Variants in TMEM117 observed in about 807,000 individuals in gnomAD.
TMEM117 encodes the protein transmembrane protein 117.
Under a neutral mutation model 52.4 loss-of-function variants are expected in TMEM117, and 27 were observed. The observed-to-expected ratio is 0.51, with a 90% CI of 0.38 to 0.71. The LOEUF (loss-of-function observed/expected upper bound fraction) is 0.71. Among genes scored for constraint, TMEM117 ranks in the 30% least tolerant of loss-of-function variants. The pLI is 0.00. For synonymous variants in TMEM117, 215 were observed against 206.3 expected (o/e 1.04, Z -0.36); for missense variants, 556 against 630.5 (o/e 0.88, Z 1.26).
chr12:44,188,449 A>G (rs1227317758), intron 4 of TMEM117, among the ~76,000 whole-genome samples: 7 of 152,180 alleles, frequency 4.6e-5, no homozygotes, highest in Non-Finnish European at 8.8e-5. Flanking sequence ...AGAGTAAGTC[A>G]GCCCTAACTA....
intron 4 of TMEM117, among the ~76,000 whole-genome samples, chr12:44,147,451 G>C (rs976816937): frequency 1.3e-5 from 2 of 152,146 alleles, no homozygotes; most frequent in African/African-American, 4.8e-5. Flanking sequence ...ATGCCAGAGA[G>C]AAGAAGCACT....
chr12:43,895,105 A>G (rs974492380), intron 2 of TMEM117, among the ~76,000 whole-genome samples: 1 of 152,144 alleles, frequency 6.6e-6, no homozygotes, highest in African/African-American at 2.4e-5. Context: ...TATTAAGCCT[A>G]GTATCCATTA....
chr12:44,337,976 G>A (rs1951364192), intron 6 of TMEM117, among the ~76,000 whole-genome samples: 2 of 152,090 alleles, frequency 1.3e-5, no homozygotes, highest in African/African-American at 2.4e-5. Flanking sequence ...AATGTTTAAA[G>A]TAGAAGGAAA....
At chr12:43,852,556 T>A (rs1166423717) in intron 2 of TMEM117, among the ~76,000 whole-genome samples, 2 of 152,176 alleles carry the variant, frequency 1.3e-5, no homozygotes, top group Non-Finnish European at 2.9e-5. Context: ...GAGCTGAGAT[T>A]GTGCCATTGC....
chr12:44,119,827 G>T (rs1251122978), intron 3 of TMEM117, among the ~76,000 whole-genome samples: 1 of 152,132 alleles, frequency 6.6e-6, no homozygotes, highest in East Asian at 1.9e-4. Flanking sequence ...TCTTTAAAGT[G>T]CCCTAAGGTG....
rs1203051431 is a variant in TMEM117, at chr12:43,856,073, A to G, written c.277+11145A>G. Reference sequence around the variant, plus strand: ...AAGTTATCATGGTCGTTGAGAGTATATTAAAACTGTATTTATGACTACTCA... The same window carrying G: ...AAGTTATCATGGTCGTTGAGAGTATGTTAAAACTGTATTTATGACTACTCA... On this transcript the variant is annotated intron_variant, in intron 2 of 7. Coordinates refer to ENST00000266534, the MANE Select transcript of TMEM117 (RefSeq NM_032256.3). Among the ~76,000 whole-genome samples, 5 of 152,238 alleles carry G rather than the reference A, an allele frequency of 3.3e-5. No individual in the cohort carries two copies. The South Asian group carries it at 1.0e-3, about 31-fold the overall frequency.
intron 6 of TMEM117, among the ~76,000 whole-genome samples, chr12:44,346,130 A>G (rs1028398637): frequency 1.3e-5 from 2 of 152,122 alleles, no homozygotes. Context: ...AGTTAACTTA[A>G]ATCATTTCAG....
At chr12:44,282,251 T>C (rs529528568) in intron 5 of TMEM117, among the ~76,000 whole-genome samples, 16 of 152,244 alleles carry the variant, frequency 1.1e-4, no homozygotes, top group African/African-American at 3.4e-4. Context: ...ACTAATACAG[T>C]AAATTGGTAC....
intron 2 of TMEM117, among the ~76,000 whole-genome samples, chr12:43,922,457 A>G (rs1944710780): frequency 6.6e-6 from 1 of 152,200 alleles, no homozygotes; most frequent in Non-Finnish European, 1.5e-5. Flanking sequence ...GGAATAATGT[A>G]AATATTTATG....
intron 6 of TMEM117, among the ~76,000 whole-genome samples, chr12:44,353,243 G>A (rs1177122883): frequency 2.0e-5 from 3 of 151,834 alleles, no homozygotes; most frequent in Non-Finnish European, 2.9e-5. Context: ...CCATTCTGTA[G>A]GTTGCCTGTT....
intron 3 of TMEM117, among the ~76,000 whole-genome samples, chr12:43,990,966 AAAAT>A (rs1945928915): frequency 1.3e-5 from 2 of 152,240 alleles, no homozygotes; most frequent in South Asian, 4.1e-4. Context: ...AGAATTTAAT[AAAAT>A]ATCACTGTGT....
rs1336239792 is a variant in TMEM117, at chr12:44,389,368, G to T, written c.*696G>T. Reference sequence around the variant, plus strand: ...ACCTAATTATGTTTTCCTAATTAAAGATAAATTGCTACTTGATTAAAAATC... The same window carrying T: ...ACCTAATTATGTTTTCCTAATTAAATATAAATTGCTACTTGATTAAAAATC... On this transcript the variant is annotated 3_prime_UTR_variant, in exon 8 of 8. Coordinates refer to ENST00000266534, the MANE Select transcript of TMEM117 (RefSeq NM_032256.3). The T allele has an allele frequency of 6.6e-6, 1 of 152,556 alleles. No homozygotes were observed. The highest frequency in any genetic ancestry group is 1.5e-5 in the Non-Finnish European group (1 of 67,996). 9.5% of individuals were successfully genotyped at this position (152,556 alleles called of 1,614,324 possible).
intron 5 of TMEM117, among the ~76,000 whole-genome samples, chr12:44,238,695 C>G (rs557140364): frequency 6.6e-6 from 1 of 152,278 alleles, no homozygotes; most frequent in South Asian, 2.1e-4. Context: ...TTGCAACTCC[C>G]TTCTTAACGG....
At chr12:43,950,480 A>G (rs1160402337) in intron 3 of TMEM117, among the ~76,000 whole-genome samples, 1 of 151,918 alleles carries the variant, frequency 6.6e-6, no homozygotes, top group African/African-American at 2.4e-5. Context: ...CTGAAGTTTC[A>G]TACTCATGTC....
At chr12:44,033,664 A>G (rs890027479) in intron 3 of TMEM117, among the ~76,000 whole-genome samples, 2 of 152,260 alleles carry the variant, frequency 1.3e-5, no homozygotes, top group Admixed American at 6.5e-5. Context: ...AATGATGGTC[A>G]TCAGGCTTTT....
intron 4 of TMEM117, among the ~76,000 whole-genome samples, chr12:44,195,002 A>G (rs1476455172): frequency 6.6e-6 from 1 of 152,248 alleles, no homozygotes; most frequent in African/African-American, 2.4e-5. Flanking sequence ...TATGCTGTGC[A>G]TTAGTTTTCT....
At chr12:43,835,483 T>TGTGG (rs1943011586), upstream of TMEM117, among the ~76,000 whole-genome samples, 1 of 150,862 alleles carries the variant, frequency 6.6e-6, no homozygotes, top group African/African-American at 2.4e-5. Flanking sequence ...TGTGCATATG[T>TGTGG]GTGTGTGTGT....
At chr12:44,170,449 A>G (rs1949030093) in intron 4 of TMEM117, among the ~76,000 whole-genome samples, 1 of 152,330 alleles carries the variant, frequency 6.6e-6, no homozygotes, top group Admixed American at 6.5e-5. Flanking sequence ...AAAAAAATTT[A>G]TAATTTTTTA....
chr12:44,118,190 A>G (rs1948177230), intron 3 of TMEM117, among the ~76,000 whole-genome samples: 1 of 152,212 alleles, frequency 6.6e-6, no homozygotes, highest in Non-Finnish European at 1.5e-5. Flanking sequence ...AGCTTTTTAA[A>G]TGAAGAAAGA....
Sources: gnomAD v4.1 joint callset for allele counts (sites outside exome capture counted in the v4.1 genomes callset) on GRCh38, gnomAD v4.1.1 for gene constraint, MANE v1.5 for transcripts, NCBI Gene and HGNC (gene_info 2026-07-23, HGNC 2026-07-21) for gene names.